AMTN: variants seen among roughly 807,000 people sequenced by gnomAD.
AMTN encodes amelotin.
Under a neutral mutation model 27.4 loss-of-function variants are expected in AMTN, and 29 were observed. That is an observed-to-expected ratio of 1.06 (90% CI 0.79 to 1.44). The LOEUF is 1.44. AMTN is among the 40% of genes most tolerant of loss of function. AMTN has a pLI of 0.00. For synonymous variants in AMTN, 86 were observed against 95.7 expected (o/e 0.90, Z 0.59); for missense variants, 247 against 248.8 (o/e 0.99, Z 0.05).
intron 2 of AMTN, among the ~76,000 whole-genome samples, chr4:70,521,203 A>G (rs1386451634): frequency 6.6e-6 from 1 of 151,918 alleles, no homozygotes; most frequent in African/African-American, 2.4e-5. Flanking sequence ...ATATGGTGAA[A>G]CACCGTCCCT....
chr4:70,524,679 G>A (rs1195575440), intron 4 of AMTN, among the ~76,000 whole-genome samples, 193 bp from the exon 5 acceptor site: 1 of 152,138 alleles, frequency 6.6e-6, no homozygotes, highest in African/African-American at 2.4e-5. Flanking sequence ...AATAGCCCTT[G>A]TAGTCGTACA....
At chr4:70,528,422 A>G (rs968589780) in intron 5 of AMTN, among the ~76,000 whole-genome samples, 3 of 152,184 alleles carry the variant, frequency 2.0e-5, no homozygotes, top group African/African-American at 7.2e-5. Flanking sequence ...AGGCTGAGGC[A>G]GGCAGATCAC....
At chr4:70,518,676 T>G in intron 1 of AMTN, 22 bp downstream of exon 1, 2 of 933,948 alleles carry the variant, frequency 2.1e-6, no homozygotes, top group Non-Finnish European at 3.4e-6. Flanking sequence ...TGACCATGTT[T>G]CAAGTAGAAC....
chr4:70,521,174 T>C (rs1040569674), intron 2 of AMTN, among the ~76,000 whole-genome samples: 2 of 151,416 alleles, frequency 1.3e-5, no homozygotes, highest in South Asian at 2.1e-4. Flanking sequence ...AGATCAGGAG[T>C]TCAAGACCAG....
At chr4:70,525,462 A>G (rs1199886872) in intron 5 of AMTN, among the ~76,000 whole-genome samples, 1 of 152,196 alleles carries the variant, frequency 6.6e-6, no homozygotes, top group African/African-American at 2.4e-5. Context: ...CTTGCTTTCA[A>G]AAAAACGAAA....
chr4:70,519,795 T>C (rs1203229321), intron 2 of AMTN, among the ~76,000 whole-genome samples: 1 of 152,082 alleles, frequency 6.6e-6, no homozygotes, highest in Non-Finnish European at 1.5e-5. Flanking sequence ...AAATTATAAA[T>C]AATAACTGTG....
At chr4:70,525,483 C>T (rs1736082620) in intron 5 of AMTN, among the ~76,000 whole-genome samples, 2 of 152,180 alleles carry the variant, frequency 1.3e-5, no homozygotes, top group Admixed American at 1.3e-4. Flanking sequence ...CCTGAAAATC[C>T]TCTTACACTA....
chr4:70,525,889 G>T (rs1736091355), intron 5 of AMTN, among the ~76,000 whole-genome samples: 1 of 151,960 alleles, frequency 6.6e-6, no homozygotes, highest in Non-Finnish European at 1.5e-5. Context: ...GATGAAGGGG[G>T]ATTCTGTCTC....
rs1267997305 is a variant in AMTN at position 70,523,894 on chromosome 4, A to T, written c.165A>T (p.Pro55=). ...TCTTTCCTTCTTTAAGTCTGATACC[A>T]TTAACACAGATGCTCACACTGGGGC... ...NQVFPSLSLI[P]LTQMLTLGPD... The change falls in exon 4 of 9, where the codon CCA becomes CCT. Residue 55 remains proline, a synonymous_variant. Transcript: ENST00000339336. 1 of 1,613,792 alleles carries T rather than the reference A, an allele frequency of 6.2e-7. No individual in the cohort carries two copies. Among genetic ancestry groups the T allele is most frequent in the Non-Finnish European group, 8.5e-7 (1 of 1,179,804 alleles).
chr4:70,531,795 C>T (rs181029109), intron 8 of AMTN, among the ~76,000 whole-genome samples: 10 of 151,634 alleles, frequency 6.6e-5, no homozygotes, highest in East Asian at 3.9e-4. Flanking sequence ...TACAGGAGTG[C>T]GCCACCGCAC....
At chr4:70,529,549 A>C (rs1166193217) in intron 7 of AMTN, among the ~76,000 whole-genome samples, 1 of 152,250 alleles carries the variant, frequency 6.6e-6, no homozygotes, top group Non-Finnish European at 1.5e-5. Flanking sequence ...GAATAACATA[A>C]ATATTGACTT....
At chr4:70,529,118 A>G (rs904328523) in intron 6 of AMTN, 66 bp from the exon 7 acceptor site, 1 of 1,321,436 alleles carries the variant, frequency 7.6e-7, no homozygotes, top group South Asian at 1.5e-5. Context: ...AAGTGATATT[A>G]TACATATATT....
At chr4:70,519,391 T>C (rs1735897984) in intron 2 of AMTN, among the ~76,000 whole-genome samples, 1 of 152,202 alleles carries the variant, frequency 6.6e-6, no homozygotes, top group Non-Finnish European at 1.5e-5. Context: ...ATTTACTCCA[T>C]TATTTTGTAG....
chr4:70,522,601 C>G (rs182781513), intron 2 of AMTN, among the ~76,000 whole-genome samples, 154 bp from the exon 3 acceptor site: 2 of 152,270 alleles, frequency 1.3e-5, no homozygotes, highest in Non-Finnish European at 2.9e-5. Context: ...ACATGTCCTA[C>G]CATGCACATA....
intron 2 of AMTN, among the ~76,000 whole-genome samples, chr4:70,520,669 T>G (rs1735933306): frequency 6.6e-6 from 1 of 152,092 alleles, no homozygotes; most frequent in South Asian, 2.1e-4. Flanking sequence ...AAATGATAAA[T>G]GGTGAGCAGT....
At chr4:70,522,376 A>C (rs1237588257) in intron 2 of AMTN, among the ~76,000 whole-genome samples, 2 of 152,168 alleles carry the variant, frequency 1.3e-5, no homozygotes, top group African/African-American at 2.4e-5. Flanking sequence ...AGGTAGTAAG[A>C]ATGACGGCAG....
intron 4 of AMTN, 76 bp from the exon 5 acceptor site, chr4:70,524,796 T>A (rs1424159846): frequency 1.5e-6 from 2 of 1,341,130 alleles, no homozygotes; most frequent in African/African-American, 1.4e-5. Flanking sequence ...ATTTTACGTT[T>A]AGTAAAAACA....
chr4:70,521,767 G>A (rs971248883), intron 2 of AMTN, among the ~76,000 whole-genome samples: 1 of 143,134 alleles, frequency 7.0e-6, no homozygotes, highest in Non-Finnish European at 1.5e-5. Context: ...CTATAAGCGT[G>A]CACCACCATG....
chr4:70,520,337 T>A (rs1735928166), intron 2 of AMTN, among the ~76,000 whole-genome samples: 1 of 152,232 alleles, frequency 6.6e-6, no homozygotes, highest in Admixed American at 6.5e-5. Context: ...TATTTTTTAT[T>A]ATTTGTAAAT....
Sources: gnomAD v4.1 joint callset for allele counts (sites outside exome capture counted in the v4.1 genomes callset) on GRCh38, gnomAD v4.1.1 for gene constraint, MANE v1.5 for transcripts, NCBI Gene and HGNC (gene_info 2026-07-23, HGNC 2026-07-21) for gene names.